The following NRXN1 variants were observed in gnomAD, a reference collection of about 807,000 sequenced individuals.
The protein encoded by NRXN1 is neurexin 1.
Under a neutral mutation model 150.9 loss-of-function variants are expected in NRXN1, and 39 were observed. The observed-to-expected ratio is 0.26, with a 90% CI of 0.20 to 0.34. The LOEUF (loss-of-function observed/expected upper bound fraction) is 0.34. NRXN1 is among the 10% of genes least tolerant of loss of function. NRXN1 has a pLI of 1.00. For synonymous variants in NRXN1, 924 were observed against 757.0 expected (o/e 1.22, Z -3.62); for missense variants, 1,815 against 1,949.9 (o/e 0.93, Z 1.30).
At chr2:50,720,662 C>A (rs1187983945) in intron 5 of NRXN1, among the ~76,000 whole-genome samples, 2 of 152,218 alleles carry the variant, frequency 1.3e-5, no homozygotes, top group African/African-American at 4.8e-5. Flanking sequence ...CCACTCTTCC[C>A]AGTTTCTCTG....
In NRXN1 at chr2:50,354,552, TAC is replaced by T. The variant is rs1204505221; in HGVS notation, c.3364+110888_3364+110889del. ...ACACTACCTTAGCGTCTAGAGTGCA[TAC>T]ATATATATATATATATATATATATA... On this transcript the variant is annotated intron_variant, in intron 17 of 22. Transcript: ENST00000401669. 1.5e-3 allele frequency among the ~76,000 whole-genome samples: 159 copies of T among 104,442 alleles called. 1 individual carries two copies. The highest frequency in any genetic ancestry group is 7.6e-3 in the East Asian group (24 of 3,166). The allele number at this position is 104,442 out of a possible 152,430, so 68.5% of individuals were successfully genotyped here. A position where few individuals can be genotyped will look rare whatever the true frequency, so the allele number is the denominator to read the frequency against.
intron 21 of NRXN1, among the ~76,000 whole-genome samples, chr2:49,945,746 CATGGTGTAT>C (rs1672780615): frequency 6.6e-6 from 1 of 152,110 alleles, no homozygotes; most frequent in South Asian, 2.1e-4. Flanking sequence ...CATAGTATTC[CATGGTGTAT>C]ATGTGCCACA....
chr2:50,991,565 C>T (rs1263791476), intron 2 of NRXN1, among the ~76,000 whole-genome samples: 1 of 152,000 alleles, frequency 6.6e-6, no homozygotes, highest in African/African-American at 2.4e-5. Context: ...TATACTAGTG[C>T]TTTGACTAGT....
chr2:50,638,584 T>C (rs1222306137), intron 5 of NRXN1, among the ~76,000 whole-genome samples: 2 of 152,154 alleles, frequency 1.3e-5, no homozygotes, highest in Non-Finnish European at 2.9e-5. Flanking sequence ...TCCATTCACT[T>C]CTCAGAGTGA....
chr2:50,169,873 C>A (rs1210496446), intron 18 of NRXN1, among the ~76,000 whole-genome samples: 1 of 151,710 alleles, frequency 6.6e-6, no homozygotes, highest in Non-Finnish European at 1.5e-5. Flanking sequence ...CAGTTTGGTA[C>A]AGTAAAGAGA....
chr2:50,298,469 T>C (rs2073841402), intron 17 of NRXN1, among the ~76,000 whole-genome samples: 1 of 152,058 alleles, frequency 6.6e-6, no homozygotes, highest in Non-Finnish European at 1.5e-5. Context: ...TATGTGAAAA[T>C]TCAGGCAAGT....
At chr2:50,864,295 G>A (rs1676557609) in intron 5 of NRXN1, among the ~76,000 whole-genome samples, 1 of 151,990 alleles carries the variant, frequency 6.6e-6, no homozygotes, top group South Asian at 2.1e-4. Context: ...CATCATAAAA[G>A]CTAAAAAAGC....
At chr2:50,079,024 T>G (rs1044160221) in intron 19 of NRXN1, among the ~76,000 whole-genome samples, 1 of 152,108 alleles carries the variant, frequency 6.6e-6, no homozygotes, top group African/African-American at 2.4e-5. Flanking sequence ...TCCTTCTACA[T>G]TATTAATTGT....
chr2:50,315,244 A>G (rs923178919), intron 17 of NRXN1, among the ~76,000 whole-genome samples: 2 of 152,058 alleles, frequency 1.3e-5, no homozygotes. Context: ...CACAGGCAGC[A>G]GCTCCGTTTT....
At chr2:50,556,804 A>G (rs62142293) in intron 8 of NRXN1, among the ~76,000 whole-genome samples, 28,372 of 152,024 alleles carry the variant, frequency 0.19, 2,747 homozygotes, top group East Asian at 0.35. Flanking sequence ...ACTTGGTTCA[A>G]TCTCAAAGCT....
At chr2:50,843,955 C>T (rs977227997) in intron 5 of NRXN1, among the ~76,000 whole-genome samples, 1 of 152,132 alleles carries the variant, frequency 6.6e-6, no homozygotes, top group African/African-American at 2.4e-5. Context: ...AAACTTCCAA[C>T]TGTCAATTTA....
chr2:50,766,378 C>A (rs535654322), intron 5 of NRXN1, among the ~76,000 whole-genome samples: 10 of 152,116 alleles, frequency 6.6e-5, no homozygotes, highest in African/African-American at 2.4e-4. Flanking sequence ...GTATTTCTCA[C>A]TGAATTCTGA....
At chr2:50,976,669 CG>C (rs928100130) in intron 2 of NRXN1, among the ~76,000 whole-genome samples, 2 of 151,688 alleles carry the variant, frequency 1.3e-5, no homozygotes, top group African/African-American at 4.8e-5. Flanking sequence ...CAGAAGTACT[CG>C]GGAACTGTAA....
At chr2:50,250,406 C>T (rs1401037171) in intron 17 of NRXN1, among the ~76,000 whole-genome samples, 2 of 150,880 alleles carry the variant, frequency 1.3e-5, no homozygotes, top group African/African-American at 4.9e-5. Context: ...TGTAGATCCA[C>T]TTATATAAAT....
At chr2:50,924,162 G>A (rs750122367) in intron 3 of NRXN1, among the ~76,000 whole-genome samples, 10 of 151,708 alleles carry the variant, frequency 6.6e-5, no homozygotes, top group Non-Finnish European at 1.3e-4. Context: ...TGAGGAAATT[G>A]TCTTGAAGAT....
chr2:50,849,129 G>C (rs998711226), intron 5 of NRXN1, among the ~76,000 whole-genome samples: 12 of 152,196 alleles, frequency 7.9e-5, no homozygotes, highest in Middle Eastern at 3.4e-3. Context: ...AGCATCTCCA[G>C]AATGCTTACT....
intron 18 of NRXN1, among the ~76,000 whole-genome samples, chr2:50,152,964 T>G (rs2058780552): frequency 1.3e-5 from 2 of 151,786 alleles, no homozygotes; most frequent in Admixed American, 1.3e-4. Flanking sequence ...TGTGTTCATT[T>G]GTTTGATGGT....
chr2:50,981,457 CAAAAAAAAAAAAAAAA>C, intron 2 of NRXN1, among the ~76,000 whole-genome samples: 1 of 23,270 alleles, frequency 4.3e-5, no homozygotes, highest in South Asian at 3.0e-3. Context: ...AACTCTATCT[CAAAAAAAAAAAAAAAA>C]AAAAAAAAAA....
At chr2:50,179,982 G>A (rs1208636827) in intron 18 of NRXN1, among the ~76,000 whole-genome samples, 2 of 151,942 alleles carry the variant, frequency 1.3e-5, no homozygotes, top group East Asian at 3.9e-4. Flanking sequence ...ATTATTTTCA[G>A]TTTAAAGCAA....
Sources: allele counts gnomAD v4.1 joint callset (sites outside exome capture counted in the v4.1 genomes callset), GRCh38; gene constraint gnomAD v4.1.1; transcripts MANE v1.5; gene names NCBI Gene and HGNC (gene_info 2026-07-23, HGNC 2026-07-21).